PLCB2: variants seen among roughly 807,000 people sequenced by gnomAD.
PLCB2 encodes the protein 1-phosphatidylinositol 4,5-bisphosphate phosphodiesterase beta-2.
A neutral mutation model predicts 141.7 loss-of-function variants in PLCB2; 115 were observed. The ratio of observed to expected loss-of-function variants is 0.81; its 90% CI spans 0.70 to 0.95. PLCB2 has a LOEUF of 0.95. Among genes scored for constraint, PLCB2 ranks in the 40% least tolerant of loss-of-function variants. PLCB2 has a pLI of 0.00. For synonymous variants in PLCB2, 603 were observed against 595.6 expected, an observed-to-expected ratio of 1.01 and a Z score of -0.18; for missense variants, 1,403 against 1,541.1, an observed-to-expected ratio of 0.91 and a Z score of 1.50.
chr15:40,298,363 G>A lies in PLCB2; in HGVS notation c.1015C>T (p.Leu339Phe). 2 of 1,591,328 alleles carry A rather than the reference G, an allele frequency of 1.3e-6. No individual in the cohort carries two copies. The highest frequency in any genetic ancestry group is 8.6e-7 in the Non-Finnish European group (1 of 1,165,466). Residue 339 changes from leucine to phenylalanine, a missense_variant, in exon 11 of 32, where the codon CTC becomes TTC. By Grantham distance (22) the Leu-to-Phe change is conservative. Transcript: ENST00000260402. The part of the protein sequence containing the change: ...TYLTAGQFSG[L>F]SSAEMYRQVL... The stretch of plus-strand genomic sequence containing the variant: ...TGGCGGTACATCTCAGCCGAGGAGA[G>A]GCCTGAGAACTGGCCGGCTGAGCCA...
chr15:40,290,143 T>A, intron 29 of PLCB2, 61 bp from the exon 30 acceptor site: 1 of 1,045,152 alleles, frequency 9.6e-7, no homozygotes, highest in Non-Finnish European at 1.5e-6. Context: ...TAGGGTAACA[T>A]GAAGTCTACG....
chr15:40,303,945 T>C (rs1256781400), intron 2 of PLCB2, 56 bp downstream of exon 2: 2 of 1,240,918 alleles, frequency 1.6e-6, no homozygotes, highest in African/African-American at 3.0e-5. Flanking sequence ...CAGGGGGCTG[T>C]CTGGCCTCAA....
intron 30 of PLCB2, chr15:40,289,575 C>T: frequency 1.7e-6 from 1 of 586,766 alleles, no homozygotes; most frequent in Non-Finnish European, 3.0e-6. Context: ...GGCAGAGTGC[C>T]TGGCACAGGT....
intron 31 of PLCB2, 56 bp downstream of exon 31, chr15:40,289,216 T>C: frequency 1.3e-6 from 2 of 1,486,230 alleles, no homozygotes; most frequent in Non-Finnish European, 1.9e-6. Context: ...GCAAGGCCCC[T>C]TTACAACCCG....
intron 13 of PLCB2, 91 bp from the exon 14 acceptor site, chr15:40,296,999 C>G (rs1320285230): frequency 1.5e-5 from 19 of 1,303,506 alleles, no homozygotes; most frequent in Non-Finnish European, 1.7e-5. Context: ...TCGGCCTCCC[C>G]CACTCCTCTT....
chr15:40,289,902 C>G (rs2039763619), intron 30 of PLCB2, 123 bp downstream of exon 30: 2 of 845,942 alleles, frequency 2.4e-6, no homozygotes, highest in Middle Eastern at 2.2e-4. Flanking sequence ...AAGTCAGGGC[C>G]TGGGGCCACC....
Position 40,294,256 on chromosome 15 carries a change from A to C in PLCB2, c.2061+10T>G. On this transcript the variant is annotated intron_variant, in intron 19 of 31. Coordinates refer to ENST00000260402, the MANE Select transcript of PLCB2 (RefSeq NM_004573.3). ...AGCCTCCCGGCCACTTGTGTGCCCC[A>C]GGGCCTTGCCGTAATGGAAAGGGTG... 6.2e-7 allele frequency: 1 copy of C among 1,603,896 alleles called. No homozygotes were observed. Among genetic ancestry groups the C allele is most frequent in the Non-Finnish European group, 8.5e-7 (1 of 1,173,702 alleles).
In PLCB2 at chr15:40,292,940, T is replaced by G; in HGVS notation, c.2312A>C (p.Asn771Thr). The G allele has an allele frequency of 6.2e-7, 1 of 1,603,608 alleles. No homozygotes were observed. The highest frequency in any genetic ancestry group is 8.5e-7 in the Non-Finnish European group (1 of 1,173,416). ...KFLGHRIIPI[N>T]ALNSGYHHLC... is the part of the protein sequence containing the mutation. Reference sequence around the variant, plus strand: ...CCACTCCTTACCAGAATTTAGGGCATTGATGGGGATGATGCGGTGTCCAAG... The same window carrying G: ...CCACTCCTTACCAGAATTTAGGGCAGTGATGGGGATGATGCGGTGTCCAAG... The change falls in exon 21 of 32, where the codon AAT (asparagine) becomes ACT (threonine). Residue 771 changes from asparagine (N) to threonine (T), a missense_variant. Physicochemically the swap from Asn to Thr is moderately conservative, Grantham distance 65 (BLOSUM62 0). Transcript: ENST00000260402.
chr15:40,291,178 A>C lies in PLCB2; in HGVS notation c.2876T>G (p.Leu959Arg), dbSNP rs1422613445. 2 of 1,571,830 alleles carry C rather than the reference A, an allele frequency of 1.3e-6. No individual in the cohort carries two copies. Among genetic ancestry groups the C allele is most frequent in the East Asian group, 4.6e-5 (2 of 43,536 alleles). The change falls in exon 27 of 32, where the codon CTG becomes CGG. Residue 959 changes from leucine (L) to arginine (R), a missense_variant. Transcript: ENST00000260402. ...GGCTCCGGCGCTCTCCTCGCGGGGCAGGCTCCTGGGGAGGCCACGTGGGGA... is the reference window on the plus strand; with the variant it reads ...GGCTCCGGCGCTCTCCTCGCGGGGCCGGCTCCTGGGGAGGCCACGTGGGGA... ...PGKGSRKKRS[L>R]PREESAGAAP...
intron 30 of PLCB2, 139 bp downstream of exon 30, chr15:40,289,886 A>G: frequency 1.3e-6 from 1 of 756,702 alleles, no homozygotes; most frequent in Admixed American, 1.8e-5. Flanking sequence ...GCATCTCCTA[A>G]GGGCAAAGTC....
At chr15:40,301,188 G>A (rs1209180971) in intron 7 of PLCB2, 2 of 198,270 alleles carry the variant, frequency 1.0e-5, no homozygotes, top group African/African-American at 4.7e-5. Flanking sequence ...GATTCATGTG[G>A]GCAGGTGATC....
At chr15:40,298,422 G>A in intron 10 of PLCB2, 42 bp from the exon 11 acceptor site, 1 of 1,573,702 alleles carries the variant, frequency 6.4e-7, no homozygotes, top group Non-Finnish European at 8.7e-7. Context: ...ATCACCCAAA[G>A]GCAGCCCAGC....
chr15:40,294,103 G>A (rs1057278376), intron 19 of PLCB2, among the ~76,000 whole-genome samples, 163 bp downstream of exon 19: 2 of 152,226 alleles, frequency 1.3e-5, no homozygotes, highest in Non-Finnish European at 2.9e-5. Flanking sequence ...CAGTGCTGAG[G>A]AGGAGGCAGT....
intron 2 of PLCB2, 141 bp downstream of exon 2, chr15:40,303,860 A>G (rs2040653768): frequency 1.6e-6 from 1 of 615,142 alleles, no homozygotes; most frequent in African/African-American, 1.8e-5. Context: ...GCCCCTGCCT[A>G]CAGGGGAGCC....
In PLCB2 at chr15:40,298,314, C is replaced by T; in HGVS notation, c.1064G>A (p.Cys355Tyr). 2 of 1,607,746 alleles carry T rather than the reference C, an allele frequency of 1.2e-6. No individual in the cohort carries two copies. Among genetic ancestry groups the T allele is most frequent in the East Asian group, 2.2e-5 (1 of 44,738 alleles). ...CCCCTTCCAGCAGTCTAGCTCCACG[C>T]AACGGCAGCCAGAGAGCAGCACCTG... ...YRQVLLSGCR[C>Y]VELDCWKGKP... Residue 355 changes from cysteine to tyrosine, a missense_variant, in exon 11 of 32, where the codon TGC becomes TAC. By Grantham distance (194) the Cys-to-Tyr change is radical (BLOSUM62 -2). This residue lies in a region of PLCB2 where 975 missense variants were observed against 1,141.1 expected (regional missense o/e 0.85). Transcript: ENST00000260402.
Position 40,291,837 on chromosome 15 carries a change from C to T in PLCB2, c.2602+12G>A. 1 of 1,614,070 alleles carries T rather than the reference C, an allele frequency of 6.2e-7. No homozygotes were observed. The highest frequency in any genetic ancestry group is 1.1e-5 in the South Asian group (1 of 91,072). ...AGGTGCCCCCAGTAGGTGTGCGGAC[C>T]GAAGCTCATACCTGGTGACCCATTG... On this transcript the variant is annotated intron_variant, in intron 24 of 31. Coordinates refer to ENST00000260402, the MANE Select transcript of PLCB2 (RefSeq NM_004573.3).
intron 1 of PLCB2, among the ~76,000 whole-genome samples, chr15:40,306,621 T>C (rs2040810500): frequency 2.6e-5 from 4 of 152,026 alleles, no homozygotes; most frequent in South Asian, 4.2e-4. Flanking sequence ...CCCCAACCCA[T>C]AGTCATGGGC....
At position 40,293,519 on chromosome 15, in the gene PLCB2, A is replaced by G. The variant is rs754875436; in HGVS notation, c.2226+41T>C. The G allele has an allele frequency of 3.1e-6, 5 of 1,590,724 alleles. No homozygotes were observed. In the African/African-American group the frequency reaches 5.4e-5, roughly 17 times the overall value. ...TCCTCTTGTCTGTAAGTAGAGGCCA[A>G]GAACTAGACAGACTCTGCCCTGCCA... On this transcript the variant is annotated intron_variant, in intron 20 of 31. Transcript: ENST00000260402.
Position 40,296,483 on chromosome 15 carries a change from G to A in PLCB2, c.1599+39C>T, listed in dbSNP as rs1449703780. ...CCCCCATCCAGGGGGCTTAACGGTG[G>A]AGGATGACACAGAGGGGCCTGGGGC... On this transcript the variant is annotated intron_variant, in intron 15 of 31. Coordinates refer to ENST00000260402, the MANE Select transcript of PLCB2 (RefSeq NM_004573.3). The A allele has an allele frequency of 3.7e-6, 6 of 1,613,620 alleles. No individual in the cohort carries two copies. The Admixed American group carries it at 6.7e-5, about 18-fold the overall frequency.
Sources: gnomAD v4.1 joint callset for allele counts (sites outside exome capture counted in the v4.1 genomes callset) on GRCh38, gnomAD v4.1.1 for gene constraint, gnomAD v4.1.1 regional missense constraint, MANE v1.5 for transcripts, NCBI Gene and HGNC (gene_info 2026-07-23, HGNC 2026-07-21) for gene names.